FAM222B: variants seen among roughly 807,000 people sequenced by gnomAD.
FAM222B encodes the protein protein FAM222B.
In FAM222B, 12 loss-of-function variants were observed where a neutral mutation model predicts 38.0. That is an observed-to-expected ratio of 0.32 (90% CI 0.20 to 0.51). The LOEUF (loss-of-function observed/expected upper bound fraction) is 0.51, where lower values mean the gene tolerates loss of function less well. Ranked by LOEUF, FAM222B falls within the 20% of genes least tolerant of loss-of-function variation. The pLI is 0.97. For synonymous variants in FAM222B, 329 were observed against 317.2 expected, an observed-to-expected ratio of 1.04 and a Z score of -0.40; for missense variants, 716 against 754.2, an observed-to-expected ratio of 0.95 and a Z score of 0.59.
intron 1 of FAM222B, among the ~76,000 whole-genome samples, chr17:28,822,379 T>C (rs2038257188): frequency 1.4e-5 from 2 of 147,768 alleles, no homozygotes; most frequent in African/African-American, 5.0e-5. Flanking sequence ...TCCCAGCACT[T>C]TGGGAGGCCG....
intron 1 of FAM222B, among the ~76,000 whole-genome samples, chr17:28,839,061 G>C (rs910528048): frequency 1.3e-5 from 2 of 151,974 alleles, no homozygotes; most frequent in African/African-American, 4.8e-5. Flanking sequence ...AAAGAAATTA[G>C]CCAGGCATGG....
At position 28,758,175 on chromosome 17, in the gene FAM222B, G is replaced by A. The variant is rs2034801751; in HGVS notation, c.*95C>T. On this transcript the variant is annotated 3_prime_UTR_variant, in exon 3 of 3. Transcript: ENST00000581407. ...TTAGACATCTAAGAATGATCACACT[G>A]GAGCAGTGAAACTTTGAAACTATCC... 2.8e-6 allele frequency: 3 copies of A among 1,077,552 alleles called. No homozygotes were observed. The highest frequency in any genetic ancestry group is 4.0e-6 in the Non-Finnish European group (3 of 747,344). The allele number at this position is 1,077,552 out of a possible 1,614,324, so 66.7% of individuals were successfully genotyped here. A position where few individuals can be genotyped will look rare whatever the true frequency, so the allele number is the denominator to read the frequency against.
intron 1 of FAM222B, among the ~76,000 whole-genome samples, chr17:28,793,692 CA>C (rs2036805057): frequency 6.6e-6 from 1 of 151,064 alleles, no homozygotes; most frequent in Non-Finnish European, 1.5e-5. Flanking sequence ...CAAACATTAA[CA>C]AAAAATAGGC....
chr17:28,831,064 C>T (rs932238400), intron 1 of FAM222B, among the ~76,000 whole-genome samples: 1 of 146,272 alleles, frequency 6.8e-6, no homozygotes, highest in Non-Finnish European at 1.5e-5. Flanking sequence ...GGAATGGTCT[C>T]GGCCACTGCA....
intron 1 of FAM222B, among the ~76,000 whole-genome samples, chr17:28,810,170 T>A (rs2037686990): frequency 6.6e-6 from 1 of 151,816 alleles, no homozygotes; most frequent in African/African-American, 2.4e-5. Context: ...CTAATTTTTT[T>A]ATGTTTTGGT....
At chr17:28,814,556 G>A (rs554212374) in intron 1 of FAM222B, among the ~76,000 whole-genome samples, 2 of 151,976 alleles carry the variant, frequency 1.3e-5, no homozygotes, top group East Asian at 1.9e-4. Context: ...TGCAACCTCC[G>A]CCTCCTAGGT....
chr17:28,771,380 A>C (rs979359455), intron 1 of FAM222B, among the ~76,000 whole-genome samples: 2 of 152,174 alleles, frequency 1.3e-5, no homozygotes, highest in African/African-American at 4.8e-5. Flanking sequence ...ATTTTGCAAC[A>C]TATATAAAAT....
Position 28,815,447 on chromosome 17 carries a change from C to G in FAM222B, c.-41+27235G>C, listed in dbSNP as rs142820883. 1.0e-3 allele frequency among the ~76,000 whole-genome samples: 152 copies of G among 151,988 alleles called. 2 individuals are homozygous for G. In the East Asian group the frequency reaches 0.024, roughly 24 times the overall value. ...GCCAGGATGATCTCGATCTCTTGAC[C>G]TCGTAATCCGCCCGACTCGGCTTCC... On this transcript the variant is annotated intron_variant, in intron 1 of 2. Coordinates refer to ENST00000581407, the MANE Select transcript of FAM222B (RefSeq NM_001077498.3).
At chr17:28,849,118 G>T (rs1037412594) in intron 1 of FAM222B, among the ~76,000 whole-genome samples, 2 of 151,628 alleles carry the variant, frequency 1.3e-5, no homozygotes, top group Non-Finnish European at 2.9e-5. Flanking sequence ...AAAATTAGCC[G>T]GGCGTGGTGG....
At chr17:28,813,367 G>A (rs1364072134) in intron 1 of FAM222B, among the ~76,000 whole-genome samples, 1 of 152,014 alleles carries the variant, frequency 6.6e-6, no homozygotes, top group Non-Finnish European at 1.5e-5. Flanking sequence ...AGGAGACTAA[G>A]ACAACATGAA....
In FAM222B at chr17:28,772,570, A is replaced by AT. The variant is rs2035685444; in HGVS notation, c.-40-5864dup. 5.7e-5 allele frequency among the ~76,000 whole-genome samples: 7 copies of AT among 122,710 alleles called. No homozygotes were observed. The South Asian group carries it at 2.0e-3, about 35-fold the overall frequency. 80.5% of individuals were successfully genotyped at this position (122,710 alleles called of 152,430 possible). A position where few individuals can be genotyped will look rare whatever the true frequency, so the allele number is the denominator to read the frequency against. On this transcript the variant is annotated intron_variant, in intron 1 of 2. Coordinates refer to ENST00000581407, the MANE Select transcript of FAM222B (RefSeq NM_001077498.3). ...AAACCCCATCTCTACTAAAAAAAAA[A>AT]TACAAAAAAAAAAAAAAAAGAACAG... is the stretch of plus-strand genomic sequence containing the variant.
chr17:28,796,241 G>A lies in FAM222B; in HGVS notation c.-40-29534C>T, dbSNP rs535284991. Among the ~76,000 whole-genome samples, 13 of 152,324 alleles carry A rather than the reference G, an allele frequency of 8.5e-5. No individual in the cohort carries two copies. In the South Asian group the frequency reaches 2.3e-3, roughly 27 times the overall value. The stretch of plus-strand genomic sequence containing the variant: ...ACATAATTGAACTAACACCCTAAGC[G>A]GAGGGAAGCTGTAACTGGCAAAGAG... On this transcript the variant is annotated intron_variant, in intron 1 of 2. Coordinates refer to ENST00000581407, the MANE Select transcript of FAM222B (RefSeq NM_001077498.3).
chr17:28,766,506 C>T, intron 2 of FAM222B, 80 bp downstream of exon 2: 1 of 1,164,906 alleles, frequency 8.6e-7, no homozygotes, highest in Non-Finnish European at 1.3e-6. Context: ...CAGTGTACCC[C>T]AGATGTGCTT....
Position 28,759,033 on chromosome 17 carries a change from C to T in FAM222B, c.926G>A (p.Arg309Gln), listed in dbSNP as rs761237014. 11 of 1,612,572 alleles carry T rather than the reference C, an allele frequency of 6.8e-6. No individual in the cohort carries two copies. The African/African-American group carries it at 8.0e-5, about 12-fold the overall frequency. ...SRSLLINAST[R>Q]VSTHSVPTPM... The stretch of plus-strand genomic sequence containing the variant: ...TGTGGGGACGCTGTGGGTCGACACC[C>T]GGGTGCTTGCATTGATGAGCAGACT... Residue 309 changes from arginine (R) to glutamine (Q), a missense_variant, in exon 3 of 3, where the codon CGG becomes CAG. Physicochemically the swap from Arg to Gln is conservative, Grantham distance 43. Coordinates refer to ENST00000581407, the MANE Select transcript of FAM222B (RefSeq NM_001077498.3). This position sits in a 1 kb window ranked among gnomAD's most constrained non-coding sequence, Gnocchi z 4.8.
At chr17:28,832,591 G>A (rs2038704287) in intron 1 of FAM222B, among the ~76,000 whole-genome samples, 1 of 152,166 alleles carries the variant, frequency 6.6e-6, no homozygotes, top group African/African-American at 2.4e-5. Context: ...TGGGTTAAGG[G>A]TTAACATATT....
intron 1 of FAM222B, among the ~76,000 whole-genome samples, chr17:28,796,555 C>T (rs1280906683): frequency 6.6e-6 from 1 of 152,148 alleles, no homozygotes; most frequent in Non-Finnish European, 1.5e-5. Context: ...TGCTACTATG[C>T]ACTAAATGCA....
At chr17:28,774,441 C>T (rs2035788860) in intron 1 of FAM222B, among the ~76,000 whole-genome samples, 1 of 152,150 alleles carries the variant, frequency 6.6e-6, no homozygotes, top group Non-Finnish European at 1.5e-5. Context: ...ACGTTAGCTA[C>T]CCAAGGCAGG....
intron 1 of FAM222B, among the ~76,000 whole-genome samples, chr17:28,771,649 C>G (rs2035638697): frequency 6.6e-6 from 1 of 152,140 alleles, no homozygotes; most frequent in Non-Finnish European, 1.5e-5. Context: ...CCACTGCACA[C>G]CAGCCCGGGA....
chr17:28,790,884 C>CTTTTTTTTTTTTTTTTTTTTT (rs60664262), intron 1 of FAM222B, among the ~76,000 whole-genome samples: 3 of 86,084 alleles, frequency 3.5e-5, no homozygotes, highest in Non-Finnish European at 6.5e-5. Flanking sequence ...AATTGTTTCA[C>CTTTTTTTTTTTTTTTTTTTTT]TTTTTTTTTT....
Sources: allele counts gnomAD v4.1 joint callset (sites outside exome capture counted in the v4.1 genomes callset), GRCh38; gene constraint gnomAD v4.1.1; non-coding constraint Gnocchi (gnomAD v3.1); transcripts MANE v1.5; gene names NCBI Gene and HGNC (gene_info 2026-07-23, HGNC 2026-07-21).